Variants in ANO1 observed in about 807,000 individuals in gnomAD.
The protein encoded by ANO1 is anoctamin 1.
A neutral mutation model predicts 124.0 loss-of-function variants in ANO1; 59 were observed. The ratio of observed to expected loss-of-function variants is 0.48; its 90% confidence interval spans 0.39 to 0.59. The LOEUF is 0.59. ANO1 is among the 20% of genes least tolerant of loss of function. The probability of loss-of-function intolerance (pLI) is 0.00; values close to 1 mark genes in which losing one functional copy is unlikely to be tolerated. For synonymous variants in ANO1, 529 were observed against 532.0 expected, an observed-to-expected ratio of 0.99 and a Z score of 0.08; for missense variants, 1,059 against 1,328.0, an observed-to-expected ratio of 0.80 and a Z score of 3.15.
chr11:69,968,326 C>T, the ANO1 span, among the ~76,000 whole-genome samples: 2 of 152,288 alleles, frequency 1.3e-5, no homozygotes, highest in East Asian at 1.9e-4. Context: ...CAGGAACGAC[C>T]CCCAGGGATG....
intron 5 of ANO1, among the ~76,000 whole-genome samples, chr11:70,107,455 G>A (rs1418045675): frequency 6.8e-6 from 1 of 146,418 alleles, no homozygotes; most frequent in Non-Finnish European, 1.5e-5. Flanking sequence ...GCAGCCAGGG[G>A]GCGGGGTTGT....
At chr11:70,166,554 C>T (rs1404788063) in intron 20 of ANO1, among the ~76,000 whole-genome samples, 2 of 152,172 alleles carry the variant, frequency 1.3e-5, no homozygotes, top group Middle Eastern at 3.2e-3. Flanking sequence ...TCCCACCTCC[C>T]CAGTGGCTGC....
the ANO1 span, among the ~76,000 whole-genome samples, chr11:69,968,906 C>G: frequency 6.6e-6 from 1 of 152,220 alleles, no homozygotes; most frequent in Non-Finnish European, 1.5e-5. Context: ...TGAGGGAGCC[C>G]TGGCAGGACC....
rs370769718 is a variant in ANO1 at position 70,127,301 on chromosome 11, C to T, written c.1097+1106C>T. ...TGTACAGTAGGTTCCACCTGCCCAGCTTCCTAAGGCTGCCTGCTTCCCTTA... is the reference window on the plus strand; with the variant it reads ...TGTACAGTAGGTTCCACCTGCCCAGTTTCCTAAGGCTGCCTGCTTCCCTTA... On this transcript the variant is annotated intron_variant, in intron 10 of 25. Coordinates refer to ENST00000355303, the MANE Select transcript of ANO1 (RefSeq NM_018043.7). Among the ~76,000 whole-genome samples, 4 of 152,188 alleles carry T rather than the reference C, an allele frequency of 2.6e-5. No homozygotes were observed. In the East Asian group the frequency reaches 7.7e-4, roughly 29 times the overall value.
intron 24 of ANO1, among the ~76,000 whole-genome samples, chr11:70,184,997 G>A (rs1263041878): frequency 6.6e-6 from 1 of 152,150 alleles, no homozygotes; most frequent in African/African-American, 2.4e-5. Flanking sequence ...ACAGTGCTGA[G>A]GTTACAGGCA....
At chr11:70,066,822 C>A (rs1857735831) in intron 1 of ANO1, among the ~76,000 whole-genome samples, 1 of 152,176 alleles carries the variant, frequency 6.6e-6, no homozygotes, top group Non-Finnish European at 1.5e-5. Context: ...ATAGACCAGT[C>A]AGCCCCAGGA....
At chr11:70,161,846 C>G in intron 18 of ANO1, 113 bp downstream of exon 18, 5 of 983,662 alleles carry the variant, frequency 5.1e-6, no homozygotes, top group Non-Finnish European at 7.8e-6. Context: ...GACACCGTGG[C>G]ACCCGCAGCC....
At chr11:70,049,083 A>T (rs1371211652) in intron 1 of ANO1, among the ~76,000 whole-genome samples, 1 of 152,124 alleles carries the variant, frequency 6.6e-6, no homozygotes, top group South Asian at 2.1e-4. Context: ...CTGGTGGCTT[A>T]TGAGAGGAGC....
chr11:70,121,668 GTC>G (rs1301267092), intron 8 of ANO1, among the ~76,000 whole-genome samples: 1 of 103,252 alleles, frequency 9.7e-6, no homozygotes, highest in Non-Finnish European at 2.0e-5. Flanking sequence ...ATCTGCCTCT[GTC>G]TCTCTCTCCG....
chr11:70,127,855 C>A (rs529282811), intron 10 of ANO1, among the ~76,000 whole-genome samples: 7 of 152,366 alleles, frequency 4.6e-5, no homozygotes, highest in African/African-American at 1.2e-4. Flanking sequence ...ACAGGCAGTG[C>A]CTTCAGCGTG....
At chr11:70,008,422 T>C (rs1239794884) in intron 1 of ANO1, among the ~76,000 whole-genome samples, 1 of 152,222 alleles carries the variant, frequency 6.6e-6, no homozygotes, top group Non-Finnish European at 1.5e-5. Context: ...CTTTTGTATA[T>C]GGCGTAAGGT....
intron 1 of ANO1, among the ~76,000 whole-genome samples, chr11:70,028,980 C>T (rs897593224): frequency 1.3e-5 from 2 of 152,114 alleles, no homozygotes; most frequent in Non-Finnish European, 2.9e-5. Flanking sequence ...TGGGATTTCA[C>T]CATGTTGGCC....
In ANO1 at chr11:70,104,158, G is replaced by A. The variant is rs199941163; in HGVS notation, c.692+8G>A. The A allele has an allele frequency of 1.4e-4, 229 of 1,609,988 alleles. 1 individual carries two copies. In the Middle Eastern group the frequency reaches 2.0e-3, roughly 14 times the overall value. ...CCGGGAGAAGCAGCATCTGTAAGTG[G>A]GGACCCCCAGCCTGCTCCCCAAAGG... On this transcript the variant is annotated splice_region_variant and intron_variant, in intron 4 of 25. Transcript: ENST00000355303.
At chr11:70,013,957 A>G (rs112074657) in intron 1 of ANO1, among the ~76,000 whole-genome samples, 7,765 of 151,726 alleles carry the variant, frequency 0.051, 666 homozygotes, top group African/African-American at 0.17. Context: ...CTAGATGGCC[A>G]CCTCCTCCTT....
At chr11:70,062,527 A>G (rs1857611582) in intron 1 of ANO1, among the ~76,000 whole-genome samples, 1 of 152,340 alleles carries the variant, frequency 6.6e-6, no homozygotes, top group South Asian at 2.1e-4. Context: ...TGGGGGCCGC[A>G]TGTTTTGAAC....
chr11:70,066,982 G>A (rs1165408953), intron 1 of ANO1, among the ~76,000 whole-genome samples: 2 of 152,200 alleles, frequency 1.3e-5, no homozygotes, highest in African/African-American at 4.8e-5. Flanking sequence ...AGGCCAGTCT[G>A]TCCGGGGTGT....
chr11:70,069,354 G>T (rs1857810734), intron 1 of ANO1, among the ~76,000 whole-genome samples: 1 of 152,240 alleles, frequency 6.6e-6, no homozygotes, highest in Non-Finnish European at 1.5e-5. Flanking sequence ...GAACAGAGGA[G>T]TGGACGGCCA....
chr11:70,124,219 G>A (rs2046398474), intron 8 of ANO1, 131 bp from the exon 9 acceptor site: 2 of 779,376 alleles, frequency 2.6e-6, no homozygotes, highest in African/African-American at 1.7e-5. Flanking sequence ...AGCCCACACA[G>A]CCCACTCTCA....
At chr11:70,106,801 C>T (rs1298308624) in intron 5 of ANO1, among the ~76,000 whole-genome samples, 3 of 152,228 alleles carry the variant, frequency 2.0e-5, no homozygotes, top group Non-Finnish European at 4.4e-5. Context: ...TCCTCTCCTC[C>T]ACACCATTCA....
Sources: gnomAD v4.1 joint callset for allele counts (sites outside exome capture counted in the v4.1 genomes callset) on GRCh38, gnomAD v4.1.1 for gene constraint, MANE v1.5 for transcripts, NCBI Gene and HGNC (gene_info 2026-07-23, HGNC 2026-07-21) for gene names.